THSD7A: variants seen among roughly 807,000 people sequenced by gnomAD.
THSD7A encodes thrombospondin type 1 domain containing 7A, also known as thrombospondin type-1 domain-containing protein 7A.
Under a neutral mutation model 231.3 loss-of-function variants are expected in THSD7A, and 96 were observed. The ratio of observed to expected loss-of-function variants is 0.41; its 90% CI spans 0.35 to 0.49. THSD7A has a LOEUF of 0.49. Among genes scored for constraint, THSD7A ranks in the 20% least tolerant of loss-of-function variants. THSD7A has a pLI of 0.05. For synonymous variants in THSD7A, 940 were observed against 743.3 expected (o/e 1.26, Z -4.30); for missense variants, 2,290 against 2,070.2 (o/e 1.11, Z -2.06).
chr7:11,574,436 C>CTTTTTT lies in THSD7A; in HGVS notation c.1453+16018_1453+16023dup, dbSNP rs535754264. ...CTGTCATAGAAAAGGGAAACAAAAACTTTTTTTTTTTTTTTTGAGACAGAG... is the reference window on the plus strand; with the variant it reads ...CTGTCATAGAAAAGGGAAACAAAAACTTTTTTTTTTTTTTTTTTTTTTGAGACAGAG... On this transcript the variant is annotated intron_variant, in intron 4 of 27. Transcript: ENST00000423059. 2.2e-5 allele frequency among the ~76,000 whole-genome samples: 3 copies of CTTTTTT among 138,254 alleles called. 1 individual carries two copies. Among genetic ancestry groups the CTTTTTT allele is most frequent in the African/African-American group, 2.7e-5 (1 of 37,118 alleles). 90.7% of individuals were successfully genotyped at this position (138,254 alleles called of 152,430 possible).
chr7:11,455,964 C>A (rs540931995), intron 11 of THSD7A, among the ~76,000 whole-genome samples: 1 of 152,008 alleles, frequency 6.6e-6, no homozygotes, highest in African/African-American at 2.4e-5. Context: ...TCTATAAAGG[C>A]CACTTTATTT....
At chr7:11,639,430 G>A (rs554335796) in intron 1 of THSD7A, among the ~76,000 whole-genome samples, 1 of 152,230 alleles carries the variant, frequency 6.6e-6, no homozygotes, top group Non-Finnish European at 1.5e-5. Context: ...AGCACTTTGG[G>A]AGGCCGAGGC....
Position 11,414,583 on chromosome 7 carries a change from C to G in THSD7A, c.3538-1783G>C, listed in dbSNP as rs368586215. Among the ~76,000 whole-genome samples, 5 of 152,252 alleles carry G rather than the reference C, an allele frequency of 3.3e-5. No homozygotes were observed. The East Asian group carries it at 9.7e-4, about 29-fold the overall frequency. On this transcript the variant is annotated intron_variant, in intron 17 of 27. Coordinates refer to ENST00000423059, the MANE Select transcript of THSD7A (RefSeq NM_015204.3). ...CTGCAACCCTTTATGAGATGTAAAG[C>G]TCTCCTTTCTAAATTTATGAACCTT...
chr7:11,678,976 A>G (rs1388087488), intron 1 of THSD7A, among the ~76,000 whole-genome samples: 6 of 152,224 alleles, frequency 3.9e-5, no homozygotes, highest in African/African-American at 1.4e-4. Flanking sequence ...CAAATCCAGA[A>G]GCACATTAAA....
intron 1 of THSD7A, among the ~76,000 whole-genome samples, chr7:11,747,146 T>A (rs187709944): frequency 8.2e-4 from 124 of 152,112 alleles, no homozygotes; most frequent in South Asian, 5.6e-3. Context: ...AAAGTGAGAA[T>A]TTAAATACTA....
Position 11,466,532 on chromosome 7 carries a change from C to T in THSD7A, c.2368+3347G>A, listed in dbSNP as rs118014656. Among the ~76,000 whole-genome samples the T allele has an allele frequency of 1.6e-3, 237 of 152,248 alleles. 1 individual carries two copies. Among genetic ancestry groups the T allele is most frequent in the Middle Eastern group, 6.8e-3 (2 of 294 alleles). On this transcript the variant is annotated intron_variant, in intron 9 of 27. Transcript: ENST00000423059. Reference sequence around the variant, plus strand: ...TGTTATCCAACAATGACCCTTCTATCACTCTCCAGTCTTTAAAAAATTTTT... The same window carrying T: ...TGTTATCCAACAATGACCCTTCTATTACTCTCCAGTCTTTAAAAAATTTTT...
At chr7:11,678,129 A>G (rs911134678) in intron 1 of THSD7A, among the ~76,000 whole-genome samples, 4 of 152,180 alleles carry the variant, frequency 2.6e-5, no homozygotes, top group South Asian at 2.1e-4. Flanking sequence ...AGAAATAAAT[A>G]TGTTCTTTGA....
Position 11,406,327 on chromosome 7 carries a change from C to T in THSD7A, c.4210G>A (p.Glu1404Lys). The T allele has an allele frequency of 6.2e-7, 1 of 1,612,704 alleles. No homozygotes were observed. The highest frequency in any genetic ancestry group is 8.5e-7 in the Non-Finnish European group (1 of 1,179,372). ...IIDGNKNMVLEESCSQPCPGD... is the reference protein window; with the variant it reads ...IIDGNKNMVLKESCSQPCPGD... ...GGGCAAGGCTGGCTGCAGGATTCCT[C>T]CAGAACCATATTTTTATTACCATCT... The change falls in exon 22 of 28, where the codon GAG becomes AAG. Residue 1404 changes from glutamate to lysine, a missense_variant. Physicochemically the swap from Glu to Lys is moderately conservative, Grantham distance 56 (BLOSUM62 1). Transcript: ENST00000423059. The surrounding 1 kb of genome is among the most constrained non-coding windows in gnomAD (Gnocchi z 4.7).
rs570296413 is a variant in THSD7A, at chr7:11,723,440, C to T, written c.191-86479G>A. Among the ~76,000 whole-genome samples the T allele has an allele frequency of 4.6e-5, 7 of 151,654 alleles. No homozygotes were observed. The East Asian group carries it at 1.2e-3, about 25-fold the overall frequency. On this transcript the variant is annotated intron_variant, in intron 1 of 27. Transcript: ENST00000423059. ...TGTATACATATGTAACAAACCTGCA[C>T]ACTGTGCACATGTACCCTAAAACTT...
At chr7:11,626,092 A>T (rs1366775030) in intron 2 of THSD7A, among the ~76,000 whole-genome samples, 1 of 152,142 alleles carries the variant, frequency 6.6e-6, no homozygotes, top group Non-Finnish European at 1.5e-5. Context: ...GACATATATT[A>T]TCTGACTTAA....
chr7:11,801,321 T>C (rs1243501983), intron 1 of THSD7A, among the ~76,000 whole-genome samples: 1 of 152,174 alleles, frequency 6.6e-6, no homozygotes, highest in Non-Finnish European at 1.5e-5. Context: ...TCTCTCTGTC[T>C]TTCTTCCTTT....
At chr7:11,674,345 C>T (rs537240039) in intron 1 of THSD7A, among the ~76,000 whole-genome samples, 9 of 152,178 alleles carry the variant, frequency 5.9e-5, no homozygotes, top group East Asian at 1.9e-4. Context: ...GGCCACTTCT[C>T]GCAGTTCTCC....
intron 6 of THSD7A, among the ~76,000 whole-genome samples, chr7:11,501,621 A>G (rs2128310521): frequency 6.6e-6 from 1 of 152,366 alleles, no homozygotes; most frequent in East Asian, 1.9e-4. Flanking sequence ...TCTGGGAAAT[A>G]GCTAAGGCAG....
intron 4 of THSD7A, among the ~76,000 whole-genome samples, chr7:11,565,223 A>G (rs772544317): frequency 2.3e-4 from 35 of 152,228 alleles, no homozygotes; most frequent in Admixed American, 9.8e-4. Flanking sequence ...AAAATATAAT[A>G]ACAAAACTGT....
intron 1 of THSD7A, among the ~76,000 whole-genome samples, chr7:11,819,260 G>A (rs2128186511): frequency 6.6e-6 from 1 of 152,304 alleles, no homozygotes; most frequent in Non-Finnish European, 1.5e-5. Context: ...CACTTTGGAA[G>A]GCAGTTTGGC....
chr7:11,475,725 A>G (rs767192916), intron 7 of THSD7A, among the ~76,000 whole-genome samples: 5 of 150,598 alleles, frequency 3.3e-5, no homozygotes, highest in African/African-American at 4.9e-5. Flanking sequence ...ATTTAGCTGT[A>G]AAAATTGAAC....
chr7:11,379,562 C>G (rs1782426413), intron 25 of THSD7A, 68 bp downstream of exon 25: 1 of 1,374,028 alleles, frequency 7.3e-7, no homozygotes, highest in African/African-American at 1.4e-5. Flanking sequence ...GGAAGATAAA[C>G]TGCATAAGAG....
intron 5 of THSD7A, among the ~76,000 whole-genome samples, chr7:11,542,632 G>GAAAGTAAAAACAT (rs1789200929): frequency 6.6e-6 from 1 of 152,102 alleles, no homozygotes; most frequent in Non-Finnish European, 1.5e-5. Flanking sequence ...CAAAGGTTTA[G>GAAAGTAAAAACAT]ATATGTTAGT....
At chr7:11,448,413 T>C (rs563648977) in intron 11 of THSD7A, among the ~76,000 whole-genome samples, 1 of 152,256 alleles carries the variant, frequency 6.6e-6, no homozygotes, top group South Asian at 2.1e-4. Context: ...TAAACCTTGG[T>C]CCTAAAGTTG....
Sources: gnomAD v4.1 joint callset for allele counts (sites outside exome capture counted in the v4.1 genomes callset) on GRCh38, gnomAD v4.1.1 for gene constraint, Gnocchi (gnomAD v3.1) non-coding constraint, MANE v1.5 for transcripts, NCBI Gene and HGNC (gene_info 2026-07-23, HGNC 2026-07-21) for gene names.